RFTN2: variants seen among roughly 807,000 people sequenced by gnomAD.
The protein encoded by RFTN2 is raftlin family member 2.
RFTN2 carries 34 observed loss-of-function variants against 52.7 expected under a neutral mutation model. That is an observed-to-expected ratio of 0.64 (90% CI 0.49 to 0.86). The LOEUF is 0.86. RFTN2 is among the 40% of genes least tolerant of loss of function. The pLI, the probability that RFTN2 is intolerant of heterozygous loss-of-function variation, is 0.00. For synonymous variants in RFTN2, 203 were observed against 217.7 expected, an observed-to-expected ratio of 0.93 and a Z score of 0.59; for missense variants, 536 against 600.1, an observed-to-expected ratio of 0.89 and a Z score of 1.12.
chr2:197,575,896 A>AAT lies in RFTN2; in HGVS notation c.1234-3618_1234-3617dup, dbSNP rs58002855. On this transcript the variant is annotated intron_variant, in intron 8 of 8. Transcript: ENST00000295049. ...ATTATATATTATATATAATATATAT[A>AAT]ATATATATATGAAAAAATAAGATAG... Among the ~76,000 whole-genome samples the AAT allele has an allele frequency of 3.0e-3, 397 of 132,012 alleles. 14 individuals carry two copies. The East Asian group carries it at 0.073, about 24-fold the overall frequency. 86.6% of individuals were successfully genotyped at this position (132,012 alleles called of 152,430 possible). A position where few individuals can be genotyped will look rare whatever the true frequency, so the allele number is the denominator to read the frequency against.
chr2:197,642,885 A>C (rs1251114224), intron 3 of RFTN2, among the ~76,000 whole-genome samples: 3 of 152,170 alleles, frequency 2.0e-5, no homozygotes, highest in Non-Finnish European at 4.4e-5. Context: ...TGGCTAAGGC[A>C]GGAGAATTGC....
chr2:197,583,621 C>A lies in RFTN2; in HGVS notation c.1234-11341G>T, dbSNP rs542254673. Among the ~76,000 whole-genome samples the A allele has an allele frequency of 2.7e-5, 4 of 150,560 alleles. No individual in the cohort carries two copies. The East Asian group carries it at 7.8e-4, about 29-fold the overall frequency. ...CCAACTTAAAAAGGACTGGACAGTACTTCTTTTTTTTTTTTTTTTAATTAT... is the reference window on the plus strand; with the variant it reads ...CCAACTTAAAAAGGACTGGACAGTAATTCTTTTTTTTTTTTTTTTAATTAT... On this transcript the variant is annotated intron_variant, in intron 8 of 8. Coordinates refer to ENST00000295049, the MANE Select transcript of RFTN2 (RefSeq NM_144629.3).
intron 8 of RFTN2, among the ~76,000 whole-genome samples, chr2:197,582,725 G>T (rs1269547862): frequency 6.6e-6 from 1 of 152,062 alleles, no homozygotes; most frequent in Non-Finnish European, 1.5e-5. Context: ...ACTACACAAT[G>T]GTCCTCCATC....
rs113491459 is a variant in RFTN2, at chr2:197,609,511, C to A, written c.1154+6365G>T. Among the ~76,000 whole-genome samples, 246 of 152,216 alleles carry A rather than the reference C, an allele frequency of 1.6e-3. 5 individuals carry two copies. The highest frequency in any genetic ancestry group is 8.3e-3 in the South Asian group (40 of 4,816). ...TTTTTCTTATAAATTTGTTTAAGTT[C>A]TTTGCAGATTCTGGATATTAGCCCT... On this transcript the variant is annotated intron_variant, in intron 7 of 8. Coordinates refer to ENST00000295049, the MANE Select transcript of RFTN2 (RefSeq NM_144629.3).
intron 3 of RFTN2, 101 bp downstream of exon 3, chr2:197,644,057 C>G: frequency 1.3e-6 from 1 of 755,814 alleles, no homozygotes; most frequent in South Asian, 1.5e-5. Flanking sequence ...GAAAAGTTAC[C>G]TGTCATTTCC....
At chr2:197,649,916 T>G (rs1465462604) in intron 1 of RFTN2, among the ~76,000 whole-genome samples, 1 of 152,180 alleles carries the variant, frequency 6.6e-6, no homozygotes, top group African/African-American at 2.4e-5. Context: ...TACTCAGCAG[T>G]TAGTAATTAA....
chr2:197,660,713 C>G (rs1428372581), intron 1 of RFTN2, among the ~76,000 whole-genome samples: 1 of 151,810 alleles, frequency 6.6e-6, no homozygotes, highest in Non-Finnish European at 1.5e-5. Flanking sequence ...GCGCCACCAC[C>G]ACGCCTGGCT....
intron 3 of RFTN2, among the ~76,000 whole-genome samples, chr2:197,641,276 A>AGT (rs768485410): frequency 3.3e-5 from 5 of 152,164 alleles, no homozygotes; most frequent in Non-Finnish European, 7.3e-5. Flanking sequence ...GCGGGGAGAG[A>AGT]GTGTGGGTGT....
intron 5 of RFTN2, among the ~76,000 whole-genome samples, chr2:197,624,045 C>T (rs957342971): frequency 1.3e-5 from 2 of 151,448 alleles, no homozygotes; most frequent in South Asian, 2.1e-4. Flanking sequence ...GTGATCCTCC[C>T]GCCTCGGCCT....
intron 1 of RFTN2, among the ~76,000 whole-genome samples, chr2:197,651,357 G>A (rs1302760321): frequency 6.6e-6 from 1 of 152,126 alleles, no homozygotes; most frequent in African/African-American, 2.4e-5. Flanking sequence ...AGTGGCTCAC[G>A]CCCGTAATCC....
chr2:197,570,785 A>C lies in RFTN2; in HGVS notation c.*1223T>G. 6.6e-6 allele frequency: 1 copy of C among 152,378 alleles called. No individual in the cohort carries two copies. Among genetic ancestry groups the C allele is most frequent in the South Asian group, 2.1e-4 (1 of 4,826 alleles). The allele number at this position is 152,378 out of a possible 1,614,324, so 9.4% of individuals were successfully genotyped here. ...ACATATTATATGAATATTTGTGTTC[A>C]ATAAAACAATAACACAATAAAAATG... On this transcript the variant is annotated 3_prime_UTR_variant, in exon 9 of 9. Coordinates refer to ENST00000295049, the MANE Select transcript of RFTN2 (RefSeq NM_144629.3).
Position 197,612,311 on chromosome 2 carries a change from A to G in RFTN2, c.1154+3565T>C, listed in dbSNP as rs184629827. Among the ~76,000 whole-genome samples the G allele has an allele frequency of 3.3e-5, 5 of 152,076 alleles. No homozygotes were observed. The East Asian group carries it at 9.6e-4, about 29-fold the overall frequency. ...ACCCTCACTTTCTCTCTCTCAGTGT[A>G]AGGTTAGAATTCAGTGTTTCTGAAA... is the stretch of plus-strand genomic sequence containing the variant. On this transcript the variant is annotated intron_variant, in intron 7 of 8. Transcript: ENST00000295049.
intron 1 of RFTN2, among the ~76,000 whole-genome samples, chr2:197,660,372 T>C (rs1034760436): frequency 1.3e-5 from 2 of 152,184 alleles, no homozygotes; most frequent in African/African-American, 2.4e-5. Context: ...ATTATTATTG[T>C]TTATGTTTTT....
chr2:197,614,161 C>A (rs2088105548), intron 7 of RFTN2, among the ~76,000 whole-genome samples: 1 of 152,194 alleles, frequency 6.6e-6, no homozygotes, highest in Non-Finnish European at 1.5e-5. Flanking sequence ...ACATATGAAA[C>A]GTAAGCTTAA....
At chr2:197,601,698 C>A (rs2106193865) in intron 7 of RFTN2, among the ~76,000 whole-genome samples, 1 of 152,168 alleles carries the variant, frequency 6.6e-6, no homozygotes, top group Non-Finnish European at 1.5e-5. Flanking sequence ...CTTATTTTAC[C>A]AAATTCCAGA....
intron 7 of RFTN2, among the ~76,000 whole-genome samples, chr2:197,602,395 T>C (rs2087893704): frequency 6.6e-6 from 1 of 152,166 alleles, no homozygotes; most frequent in Admixed American, 6.5e-5. Context: ...AAAAATTTTT[T>C]TGTAGGAAGT....
chr2:197,589,772 T>C (rs1158126665), intron 8 of RFTN2, among the ~76,000 whole-genome samples: 2 of 152,208 alleles, frequency 1.3e-5, no homozygotes, highest in Admixed American at 6.5e-5. Context: ...ATGTATATGA[T>C]ATATGAGTTT....
chr2:197,601,171 C>T (rs2106193344), intron 7 of RFTN2, among the ~76,000 whole-genome samples: 1 of 152,304 alleles, frequency 6.6e-6, no homozygotes, highest in East Asian at 1.9e-4. Flanking sequence ...GACCCTGGAG[C>T]ATAGGAGATG....
At chr2:197,653,155 G>T (rs534503997) in intron 1 of RFTN2, among the ~76,000 whole-genome samples, 69 of 152,296 alleles carry the variant, frequency 4.5e-4, no homozygotes, top group African/African-American at 1.5e-3. Flanking sequence ...GGATATTCAT[G>T]CTTTGTTCAG....
Sources: allele counts gnomAD v4.1 joint callset (sites outside exome capture counted in the v4.1 genomes callset), GRCh38; gene constraint gnomAD v4.1.1; transcripts MANE v1.5; gene names NCBI Gene and HGNC (gene_info 2026-07-23, HGNC 2026-07-21).